Variants in ACAP2 observed in about 807,000 individuals in gnomAD.
ACAP2 encodes ArfGAP with coiled-coil, ankyrin repeat and PH domains 2.
In ACAP2, 39 loss-of-function variants were observed where a neutral mutation model predicts 115.8. That is an observed-to-expected ratio of 0.34 (90% CI 0.26 to 0.44). ACAP2 has a LOEUF of 0.44. ACAP2 is among the 20% of genes least tolerant of loss of function. The pLI is 1.00. For missense variants in ACAP2, 662 were observed against 927.6 expected (o/e 0.71, Z 3.72); for synonymous variants, 289 against 315.8 (o/e 0.92, Z 0.90).
At chr3:195,415,504 T>A (rs1713646756) in intron 1 of ACAP2, among the ~76,000 whole-genome samples, 2 of 152,054 alleles carry the variant, frequency 1.3e-5, no homozygotes, top group Non-Finnish European at 2.9e-5. Flanking sequence ...CTCGATCTCT[T>A]GACCTCGTGA....
chr3:195,346,897 T>C (rs549368321), intron 4 of ACAP2, among the ~76,000 whole-genome samples: 2 of 152,290 alleles, frequency 1.3e-5, no homozygotes, highest in Admixed American at 1.3e-4. Flanking sequence ...AAACAAAATT[T>C]GTAGGGCATT....
intron 4 of ACAP2, among the ~76,000 whole-genome samples, chr3:195,365,567 TAA>T (rs895371151): frequency 2.1e-5 from 3 of 141,874 alleles, no homozygotes; most frequent in African/African-American, 2.6e-5. Flanking sequence ...ACCTTGTCTC[TAA>T]AAAAAAAAAA....
intron 11 of ACAP2, among the ~76,000 whole-genome samples, chr3:195,307,759 G>T (rs1411549590): frequency 1.3e-5 from 2 of 151,730 alleles, no homozygotes; most frequent in Non-Finnish European, 3.0e-5. Context: ...AGGAGAATCA[G>T]AAAGATTTTA....
At chr3:195,376,203 G>C (rs1733516916) in intron 4 of ACAP2, among the ~76,000 whole-genome samples, 1 of 152,092 alleles carries the variant, frequency 6.6e-6, no homozygotes, top group Non-Finnish European at 1.5e-5. Context: ...ACACCAGCCT[G>C]GCCAACATGG....
At chr3:195,389,325 C>A (rs1375283098) in intron 2 of ACAP2, among the ~76,000 whole-genome samples, 4 of 152,198 alleles carry the variant, frequency 2.6e-5, no homozygotes, top group Non-Finnish European at 5.9e-5. Flanking sequence ...CCACTCATAA[C>A]AGCAAAATAA....
chr3:195,429,174 G>C (rs1357330136), intron 1 of ACAP2, among the ~76,000 whole-genome samples: 1 of 152,054 alleles, frequency 6.6e-6, no homozygotes, highest in African/African-American at 2.4e-5. Flanking sequence ...AATCACTTGA[G>C]GTCAGGAGTT....
chr3:195,277,564 C>T lies in ACAP2; in HGVS notation c.*1764G>A, dbSNP rs1021437986. 8 of 152,132 alleles carry T rather than the reference C, an allele frequency of 5.3e-5. No individual in the cohort carries two copies. Among genetic ancestry groups the T allele is most frequent in the African/African-American group, 1.9e-4 (8 of 41,418 alleles). The allele number at this position is 152,132 out of a possible 1,614,324, so 9.4% of individuals were successfully genotyped here. A position where few individuals can be genotyped will look rare whatever the true frequency, so the allele number is the denominator to read the frequency against. ...TATGGAACCTTTTCTGTAATGTGAA[C>T]TTATTTCAATATAATTCCTGCTTGG... On this transcript the variant is annotated 3_prime_UTR_variant, in exon 23 of 23. Coordinates refer to ENST00000326793, the MANE Select transcript of ACAP2 (RefSeq NM_012287.6).
At position 195,306,581 on chromosome 3, in the gene ACAP2, C is replaced by T. The variant is rs779591643; in HGVS notation, c.1046G>A (p.Arg349His). 5.6e-6 allele frequency: 9 copies of T among 1,612,672 alleles called. No individual in the cohort carries two copies. The highest frequency in any genetic ancestry group is 3.3e-5 in the Admixed American group (2 of 59,748). Residue 349 changes from arginine to histidine, a missense_variant, in exon 13 of 23, where the codon CGC becomes CAC. By Grantham distance (29) the Arg-to-His change is conservative. Around this residue, in one of 3 missense-constraint regions of ACAP2, gnomAD observed 401 missense variants for 604.4 expected, o/e 0.66. Transcript: ENST00000326793. ...CTGAACAGCCTTAATCCATGCCTGG[C>T]GCAGCTTTTCGGAATCTGCCTGGAG... ...CMLQADSEKL[R>H]QAWIKAVQTS...
At chr3:195,294,101 T>C (rs1727459050) in intron 18 of ACAP2, among the ~76,000 whole-genome samples, 1 of 151,934 alleles carries the variant, frequency 6.6e-6, no homozygotes, top group Non-Finnish European at 1.5e-5. Context: ...ATCGCACCAC[T>C]GTACTCCATC....
intron 4 of ACAP2, among the ~76,000 whole-genome samples, chr3:195,350,375 A>G (rs1372866189): frequency 6.6e-6 from 1 of 152,202 alleles, no homozygotes; most frequent in Non-Finnish European, 1.5e-5. Context: ...AAAGACAGGT[A>G]AAGTCTGGGT....
intron 9 of ACAP2, chr3:195,326,469 G>C (rs534830956): frequency 6.4e-6 from 1 of 155,856 alleles, no homozygotes; most frequent in South Asian, 2.0e-4. Context: ...ACTGCAGTTG[G>C]AAAGTCTGTA....
intron 15 of ACAP2, among the ~76,000 whole-genome samples, chr3:195,300,182 G>T (rs1178710857): frequency 6.6e-6 from 1 of 151,814 alleles, no homozygotes; most frequent in East Asian, 1.9e-4. Context: ...GAGTAGCTGG[G>T]ACTACAGGTG....
At chr3:195,312,356 T>C (rs1335319601) in intron 10 of ACAP2, among the ~76,000 whole-genome samples, 1 of 152,246 alleles carries the variant, frequency 6.6e-6, no homozygotes, top group Non-Finnish European at 1.5e-5. Flanking sequence ...CAATGTATTC[T>C]TTCAACATAA....
At chr3:195,332,985 AC>A in intron 8 of ACAP2, 42 bp downstream of exon 8, 1 of 1,413,942 alleles carries the variant, frequency 7.1e-7, no homozygotes. Flanking sequence ...AAATACAAAT[AC>A]CAATGTATAA....
At position 195,321,312 on chromosome 3, in the gene ACAP2, T is replaced by G. The variant is rs893068087; in HGVS notation, c.745-499A>C. On this transcript the variant is annotated intron_variant, in intron 9 of 22. Transcript: ENST00000326793. Reference sequence around the variant, plus strand: ...ATCTCAGCTCACTACAACCTCTGCCTCCCGGGTTCAAGTGATTCTCCCGTC... The same window carrying G: ...ATCTCAGCTCACTACAACCTCTGCCGCCCGGGTTCAAGTGATTCTCCCGTC... 3.5e-5 allele frequency among the ~76,000 whole-genome samples: 5 copies of G among 143,640 alleles called. No homozygotes were observed. In the Admixed American group the frequency reaches 3.6e-4, roughly 10 times the overall value. 94.2% of individuals were successfully genotyped at this position (143,640 alleles called of 152,430 possible). A position where few individuals can be genotyped will look rare whatever the true frequency, so the allele number is the denominator to read the frequency against.
chr3:195,281,412 G>GA (rs199628908), intron 22 of ACAP2, among the ~76,000 whole-genome samples: 3,343 of 150,574 alleles, frequency 0.022, 124 homozygotes, highest in East Asian at 0.11. Flanking sequence ...CTCAAAAAAA[G>GA]AAAAAAAAGG....
At chr3:195,409,899 A>C (rs1249881774) in intron 1 of ACAP2, among the ~76,000 whole-genome samples, 2 of 150,804 alleles carry the variant, frequency 1.3e-5, no homozygotes, top group African/African-American at 2.4e-5. Context: ...AAAAAAAAAA[A>C]AAAAAAACAG....
intron 8 of ACAP2, among the ~76,000 whole-genome samples, chr3:195,329,983 G>T (rs867293838): frequency 9.9e-5 from 15 of 151,930 alleles, no homozygotes; most frequent in Admixed American, 4.6e-4. Flanking sequence ...AAATCTTCAT[G>T]TATGGTGTCT....
At chr3:195,365,567 T>TA (rs895371151) in intron 4 of ACAP2, among the ~76,000 whole-genome samples, 2,480 of 141,574 alleles carry the variant, frequency 0.018, 45 homozygotes, top group African/African-American at 0.05. Context: ...ACCTTGTCTC[T>TA]AAAAAAAAAA....
Sources: allele counts gnomAD v4.1 joint callset (sites outside exome capture counted in the v4.1 genomes callset), GRCh38; gene constraint gnomAD v4.1.1; regional missense constraint gnomAD v4.1.1; transcripts MANE v1.5; gene names NCBI Gene and HGNC (gene_info 2026-07-23, HGNC 2026-07-21).